Variants in DYNC2LI1 observed in about 807,000 individuals in gnomAD.
DYNC2LI1 encodes the protein cytoplasmic dynein 2 light intermediate chain 1.
DYNC2LI1 carries 45 observed loss-of-function variants against 51.9 expected under a neutral mutation model. That is an observed-to-expected ratio of 0.87 (90% CI 0.68 to 1.11). DYNC2LI1 has a LOEUF of 1.11. Ranked by LOEUF, DYNC2LI1 falls within the 50% of genes most tolerant of loss-of-function variation. The probability of loss-of-function intolerance (pLI) is 0.00; values close to 1 mark genes in which losing one functional copy is unlikely to be tolerated. For missense variants in DYNC2LI1, 490 were observed against 417.4 expected (o/e 1.17, Z -1.51); for synonymous variants, 130 against 137.8 (o/e 0.94, Z 0.40).
chr2:43,786,743 G>A (rs377123737), intron 3 of DYNC2LI1, among the ~76,000 whole-genome samples: 4 of 152,056 alleles, frequency 2.6e-5, no homozygotes, highest in African/African-American at 4.8e-5. Flanking sequence ...GGAGAATGGC[G>A]TGAACCCAGG....
Position 43,805,179 on chromosome 2 carries a change from A to G in DYNC2LI1, c.926A>G (p.Lys309Arg). The G allele has an allele frequency of 6.2e-7, 1 of 1,611,940 alleles. No individual in the cohort carries two copies. The highest frequency in any genetic ancestry group is 8.5e-7 in the Non-Finnish European group (1 of 1,178,450). Residue 309 changes from lysine (K) to arginine (R), a missense_variant, in exon 12 of 13, where the codon AAG (lysine) becomes AGG (arginine). Coordinates refer to ENST00000260605, the MANE Select transcript of DYNC2LI1 (RefSeq NM_016008.4). ...PKSINTLKDI[K>R]DPARDPQYAE... Reference sequence around the variant, plus strand: ...AGTATTAACACGCTGAAAGATATCAAGGACCCTGCGAGAGATCCTCAGTAT... The same window carrying G: ...AGTATTAACACGCTGAAAGATATCAGGGACCCTGCGAGAGATCCTCAGTAT...
chr2:43,820,071 C>T, the DYNC2LI1 span: 14 of 1,614,088 alleles, frequency 8.7e-6, no homozygotes, highest in Middle Eastern at 1.6e-4. Context: ...ATATCCAAAT[C>T]GGGCAACCTC....
intron 2 of DYNC2LI1, among the ~76,000 whole-genome samples, chr2:43,779,071 C>T (rs1025534648): frequency 1.3e-5 from 2 of 151,930 alleles, no homozygotes; most frequent in Admixed American, 6.6e-5. Flanking sequence ...ACCTAGGCAA[C>T]GTGGCAAAAC....
At chr2:43,819,555 A>G in the DYNC2LI1 span, among the ~76,000 whole-genome samples, 1 of 151,930 alleles carries the variant, frequency 6.6e-6, no homozygotes, top group African/African-American at 2.4e-5. Context: ...CACACTCAAC[A>G]GTACCAGGTC....
intron 4 of DYNC2LI1, among the ~76,000 whole-genome samples, chr2:43,787,493 T>C (rs1673582208): frequency 6.6e-6 from 1 of 152,230 alleles, no homozygotes; most frequent in South Asian, 2.1e-4. Flanking sequence ...TTTTTAACTT[T>C]ATTGTACAGT....
At chr2:43,790,206 C>A (rs899260108) in intron 5 of DYNC2LI1, among the ~76,000 whole-genome samples, 3 of 152,106 alleles carry the variant, frequency 2.0e-5, no homozygotes, top group Non-Finnish European at 2.9e-5. Context: ...CGTTTGCTGA[C>A]CTTAGAGAAA....
intron 5 of DYNC2LI1, among the ~76,000 whole-genome samples, chr2:43,792,114 A>G (rs992543977): frequency 6.6e-6 from 1 of 152,166 alleles, no homozygotes; most frequent in Non-Finnish European, 1.5e-5. Flanking sequence ...TGAAATTAGT[A>G]CAATTAAAAA....
At chr2:43,813,232 G>A (rs751112708), downstream of DYNC2LI1, 1 of 1,613,712 alleles carries the variant, frequency 6.2e-7, no homozygotes, top group Non-Finnish European at 8.5e-7. Context: ...GTTGCACCTG[G>A]GCAGGTTTTC....
intron 8 of DYNC2LI1, among the ~76,000 whole-genome samples, chr2:43,797,562 C>T (rs868803092): frequency 8.9e-5 from 13 of 146,334 alleles, no homozygotes; most frequent in African/African-American, 2.8e-4. Flanking sequence ...CTCCGTCACC[C>T]AGGCTGGAGT....
Position 43,786,849 on chromosome 2 carries a change from A to C in DYNC2LI1, c.162-332A>C, listed in dbSNP as rs753875945. 1.3e-3 allele frequency among the ~76,000 whole-genome samples: 197 copies of C among 151,958 alleles called. 2 individuals carry two copies. The highest frequency in any genetic ancestry group is 2.2e-3 in the Non-Finnish European group (151 of 67,946). On this transcript the variant is annotated intron_variant, in intron 3 of 12. Transcript: ENST00000260605. ...TCAAAAAAACAAAAACAAAACAAAA[A>C]AAAACACCCAGTGTCAGTGCTTCCT... is the stretch of plus-strand genomic sequence containing the variant.
chr2:43,790,535 T>A (rs1673731684), intron 5 of DYNC2LI1, among the ~76,000 whole-genome samples: 1 of 149,462 alleles, frequency 6.7e-6, no homozygotes, highest in Non-Finnish European at 1.5e-5. Flanking sequence ...CGGTTGGTTT[T>A]ATTTGGTCTT....
chr2:43,819,057 G>A, the DYNC2LI1 span, among the ~76,000 whole-genome samples: 1 of 152,182 alleles, frequency 6.6e-6, no homozygotes, highest in Non-Finnish European at 1.5e-5. Flanking sequence ...GGATTGCTCT[G>A]AGAGTTAAAT....
intron 5 of DYNC2LI1, 93 bp from the exon 6 acceptor site, chr2:43,794,364 A>G (rs1673932082): frequency 3.8e-6 from 5 of 1,304,538 alleles, no homozygotes; most frequent in Middle Eastern, 4.3e-4. Flanking sequence ...CTTAAGGTAT[A>G]TTTTAGTTAT....
chr2:43,781,092 C>T (rs778036587), intron 2 of DYNC2LI1, among the ~76,000 whole-genome samples: 1 of 152,002 alleles, frequency 6.6e-6, no homozygotes, highest in Non-Finnish European at 1.5e-5. Flanking sequence ...TAAGGCCAGG[C>T]GTGGTGGCTC....
chr2:43,789,601 A>G (rs559666542), intron 4 of DYNC2LI1, 32 bp from the exon 5 acceptor site: 1 of 1,589,752 alleles, frequency 6.3e-7, no homozygotes, highest in South Asian at 1.1e-5. Context: ...AAGTACTTAA[A>G]CTTCAAAAAA....
In DYNC2LI1 at chr2:43,789,670, G is replaced by T. The variant is rs765666851; in HGVS notation, c.269G>T (p.Gly90Val). ...DIAHFWELGG[G>V]TSLLDLISIP... is the part of the protein sequence containing the mutation. ...GCTCACTTTTGGGAACTCGGTGGAG[G>T]AACCTCTTTATTGGACTTAATCAGC... Residue 90 changes from glycine to valine, a missense_variant, in exon 5 of 13, where the codon GGA (glycine) becomes GTA (valine). By Grantham distance (109) the Gly-to-Val change is moderately radical. Transcript: ENST00000260605. 6.2e-7 allele frequency: 1 copy of T among 1,613,830 alleles called. No individual in the cohort carries two copies. Among genetic ancestry groups the T allele is most frequent in the Non-Finnish European group, 8.5e-7 (1 of 1,179,898 alleles).
At chr2:43,827,837 C>A in the DYNC2LI1 span, 2 of 1,283,704 alleles carry the variant, frequency 1.6e-6, no homozygotes, top group East Asian at 2.5e-5. Context: ...TCCAAAAAAA[C>A]TGGGTCCTCA....
downstream of DYNC2LI1, chr2:43,814,643 C>A: frequency 9.5e-7 from 1 of 1,050,754 alleles, no homozygotes. Context: ...AATAGTCCTA[C>A]CAAATGAAAA....
At chr2:43,774,905 G>T (rs915421455) in intron 1 of DYNC2LI1, among the ~76,000 whole-genome samples, 4 of 152,202 alleles carry the variant, frequency 2.6e-5, no homozygotes, top group African/African-American at 9.6e-5. Context: ...TATTTTGAAA[G>T]AATGTTGTGT....
Sources: gnomAD v4.1 joint callset for allele counts (sites outside exome capture counted in the v4.1 genomes callset) on GRCh38, gnomAD v4.1.1 for gene constraint, MANE v1.5 for transcripts, NCBI Gene and HGNC (gene_info 2026-07-23, HGNC 2026-07-21) for gene names.